WWOX: variants seen among roughly 807,000 people sequenced by gnomAD.
The protein encoded by WWOX is WW domain-containing oxidoreductase.
In WWOX, 69 loss-of-function variants were observed where a neutral mutation model predicts 46.2. The ratio of observed to expected loss-of-function variants is 1.49; its 90% CI spans 1.23 to 1.82. WWOX has a LOEUF of 1.82. Ranked by LOEUF, WWOX falls within the 40% of genes most tolerant of loss-of-function variation. The pLI is 0.00. For synonymous variants in WWOX, 359 were observed against 202.6 expected, an observed-to-expected ratio of 1.77 and a Z score of -6.56; for missense variants, 919 against 542.6, an observed-to-expected ratio of 1.69 and a Z score of -6.89.
chr16:78,702,007 T>TTATATATA (rs869227421), intron 8 of WWOX, among the ~76,000 whole-genome samples: 1,202 of 57,506 alleles, frequency 0.021, 17 homozygotes, highest in Admixed American at 0.037. Context: ...CTACATAAAA[T>TTATATATA]TATATATATA....
chr16:78,410,705 C>T (rs1450697831), intron 6 of WWOX, among the ~76,000 whole-genome samples: 8 of 150,058 alleles, frequency 5.3e-5, no homozygotes, highest in Non-Finnish European at 1.0e-4. Context: ...AGTTGGGGGG[C>T]TAAGGCTGGA....
At chr16:78,592,474 G>A (rs942748393) in intron 8 of WWOX, among the ~76,000 whole-genome samples, 1 of 152,184 alleles carries the variant, frequency 6.6e-6, no homozygotes, top group East Asian at 1.9e-4. Context: ...TCCATAGGAC[G>A]CAGAGTTATT....
rs551210985 is a variant in WWOX at position 78,564,218 on chromosome 16, A to G, written c.1056+131466A>G. Among the ~76,000 whole-genome samples the G allele has an allele frequency of 4.7e-4, 71 of 152,358 alleles. 1 individual carries two copies. The highest frequency in any genetic ancestry group is 1.7e-3 in the African/African-American group (69 of 41,582). On this transcript the variant is annotated intron_variant, in intron 8 of 8. Coordinates refer to ENST00000566780, the MANE Select transcript of WWOX (RefSeq NM_016373.4). Reference sequence around the variant, plus strand: ...TTGTTTATAGCCACTAATATTTGTGATGGTTCATTGCACAGCAAAATTGAA... The same window carrying G: ...TTGTTTATAGCCACTAATATTTGTGGTGGTTCATTGCACAGCAAAATTGAA...
intron 8 of WWOX, among the ~76,000 whole-genome samples, chr16:78,817,124 G>A (rs1429297663): frequency 1.5e-5 from 2 of 137,666 alleles, no homozygotes; most frequent in Non-Finnish European, 3.1e-5. Context: ...ATGAAAAGTT[G>A]CTTAAACATT....
chr16:78,191,430 T>C (rs2035880430), intron 5 of WWOX, among the ~76,000 whole-genome samples: 1 of 152,232 alleles, frequency 6.6e-6, no homozygotes, highest in Non-Finnish European at 1.5e-5. Flanking sequence ...AATGAGTTTC[T>C]ACTATATTTG....
intron 8 of WWOX, among the ~76,000 whole-genome samples, chr16:78,992,409 G>C (rs537021594): frequency 1.3e-5 from 2 of 152,276 alleles, no homozygotes; most frequent in East Asian, 3.9e-4. Flanking sequence ...AGAGGTTGCA[G>C]TGAACCCAGA....
chr16:78,263,115 C>T (rs2079280478), intron 5 of WWOX, among the ~76,000 whole-genome samples: 2 of 152,144 alleles, frequency 1.3e-5, no homozygotes, highest in Non-Finnish European at 2.9e-5. Flanking sequence ...TGGTGCGTGC[C>T]TGTAATCTCA....
chr16:78,493,348 A>G (rs1309168275), intron 8 of WWOX, among the ~76,000 whole-genome samples: 1 of 152,210 alleles, frequency 6.6e-6, no homozygotes. Context: ...GAAAGGATTC[A>G]CTGCAAGATC....
At chr16:78,541,945 G>C (rs1238370909) in intron 8 of WWOX, among the ~76,000 whole-genome samples, 6 of 145,130 alleles carry the variant, frequency 4.1e-5, no homozygotes, top group African/African-American at 1.3e-4. Context: ...GTTGAGGACA[G>C]ATGGGACTAT....
At chr16:78,926,398 A>C (rs897181060) in intron 8 of WWOX, among the ~76,000 whole-genome samples, 1 of 152,136 alleles carries the variant, frequency 6.6e-6, no homozygotes, top group Non-Finnish European at 1.5e-5. Context: ...GTTCCTAAGA[A>C]AATAAAGCCT....
intron 4 of WWOX, among the ~76,000 whole-genome samples, chr16:78,116,262 T>G: frequency 6.6e-6 from 1 of 152,216 alleles, no homozygotes. Context: ...TCTATCTTTT[T>G]TGTACCCATT....
intron 8 of WWOX, among the ~76,000 whole-genome samples, chr16:78,709,390 T>TG: frequency 6.6e-6 from 1 of 152,200 alleles, no homozygotes; most frequent in East Asian, 1.9e-4. Context: ...CCATTCCGGT[T>TG]CACAGGGCCT....
rs144100586 is a variant in WWOX at position 78,656,206 on chromosome 16, G to T, written c.1056+223454G>T. ...GGTGGGTGGGTGTGTGTGAAAGGTAGGATCACCTCTCTGTGCCTCAGTCTC... is the reference window on the plus strand; with the variant it reads ...GGTGGGTGGGTGTGTGTGAAAGGTATGATCACCTCTCTGTGCCTCAGTCTC... On this transcript the variant is annotated intron_variant, in intron 8 of 8. Coordinates refer to ENST00000566780, the MANE Select transcript of WWOX (RefSeq NM_016373.4). Among the ~76,000 whole-genome samples, 24 of 152,106 alleles carry T rather than the reference G, an allele frequency of 1.6e-4. No homozygotes were observed. The East Asian group carries it at 4.7e-3, about 29-fold the overall frequency.
At chr16:78,954,236 G>T (rs2151305224) in intron 8 of WWOX, among the ~76,000 whole-genome samples, 1 of 152,226 alleles carries the variant, frequency 6.6e-6, no homozygotes, top group Non-Finnish European at 1.5e-5. Context: ...ATGGTTGGAT[G>T]ATTGGATGGA....
In WWOX at chr16:78,797,014, C is replaced by T. The variant is rs568219644; in HGVS notation, c.1056+364262C>T. 2.4e-4 allele frequency among the ~76,000 whole-genome samples: 36 copies of T among 151,844 alleles called. No homozygotes were observed. In the South Asian group the frequency reaches 4.2e-3, roughly 18 times the overall value. Reference sequence around the variant, plus strand: ...CTAATTTTTGTATTTTTAGTAGTGCCGGGGTTTCACCATGTTGGCCAGTCT... The same window carrying T: ...CTAATTTTTGTATTTTTAGTAGTGCTGGGGTTTCACCATGTTGGCCAGTCT... On this transcript the variant is annotated intron_variant, in intron 8 of 8. Transcript: ENST00000566780.
chr16:78,573,087 C>A (rs2044759187), intron 8 of WWOX, among the ~76,000 whole-genome samples: 1 of 152,064 alleles, frequency 6.6e-6, no homozygotes, highest in Non-Finnish European at 1.5e-5. Flanking sequence ...GGAGAGAGAC[C>A]ACCCTGGCTA....
chr16:78,694,801 A>G (rs903315655), intron 8 of WWOX, among the ~76,000 whole-genome samples: 1 of 151,862 alleles, frequency 6.6e-6, no homozygotes, highest in African/African-American at 2.4e-5. Context: ...CTCTTGATTT[A>G]AGTCCTGAAT....
chr16:78,814,720 T>C (rs545326640), intron 8 of WWOX, among the ~76,000 whole-genome samples: 1 of 152,326 alleles, frequency 6.6e-6, no homozygotes, highest in Admixed American at 6.5e-5. Flanking sequence ...GGGAAAAAGT[T>C]CTGCCTTCAT....
intron 8 of WWOX, among the ~76,000 whole-genome samples, chr16:79,156,692 A>G (rs2050388291): frequency 6.6e-6 from 1 of 152,094 alleles, no homozygotes; most frequent in Admixed American, 6.5e-5. Context: ...TAGGGTTTAC[A>G]GCAGGTATCA....
Sources: gnomAD v4.1 joint callset for allele counts (sites outside exome capture counted in the v4.1 genomes callset) on GRCh38, gnomAD v4.1.1 for gene constraint, MANE v1.5 for transcripts, NCBI Gene and HGNC (gene_info 2026-07-23, HGNC 2026-07-21) for gene names.